The following PCDH15 variants were observed in gnomAD, a reference collection of about 807,000 sequenced individuals.
The protein encoded by PCDH15 is protocadherin-15.
PCDH15 carries 129 observed loss-of-function variants against 178.5 expected under a neutral mutation model. That is an observed-to-expected ratio of 0.72 (90% confidence interval 0.63 to 0.84). PCDH15 has a LOEUF of 0.84. Among genes scored for constraint, PCDH15 ranks in the 40% least tolerant of loss-of-function variants. PCDH15 has a pLI of 0.00. For synonymous variants in PCDH15, 800 were observed against 732.0 expected, an observed-to-expected ratio of 1.09 and a Z score of -1.50; for missense variants, 2,230 against 2,099.9, an observed-to-expected ratio of 1.06 and a Z score of -1.21.
At chr10:55,063,194 A>C (rs773787149) in intron 2 of PCDH15, among the ~76,000 whole-genome samples, 1 of 152,156 alleles carries the variant, frequency 6.6e-6, no homozygotes, top group Non-Finnish European at 1.5e-5. Flanking sequence ...GAAAATGTAC[A>C]TAAGTAGACT....
At chr10:54,027,255 G>A (rs2093131726) in intron 18 of PCDH15, among the ~76,000 whole-genome samples, 1 of 148,864 alleles carries the variant, frequency 6.7e-6, no homozygotes, top group Non-Finnish European at 1.5e-5. Context: ...ACCTCTTCAA[G>A]GAGAACTACA....
At chr10:55,375,617 A>T in intron 2 of PCDH15, among the ~76,000 whole-genome samples, 1 of 152,072 alleles carries the variant, frequency 6.6e-6, no homozygotes, top group East Asian at 1.9e-4. Flanking sequence ...TATCAGATTT[A>T]TTTCCCCAAA....
intron 1 of PCDH15, among the ~76,000 whole-genome samples, chr10:55,221,286 G>A (rs540975479): frequency 2.0e-5 from 3 of 152,198 alleles, no homozygotes; most frequent in African/African-American, 7.2e-5. Context: ...GACATGAGCA[G>A]TGATGTGCTG....
chr10:54,458,641 T>C (rs2076982406), intron 3 of PCDH15, among the ~76,000 whole-genome samples: 1 of 152,124 alleles, frequency 6.6e-6, no homozygotes, highest in Non-Finnish European at 1.5e-5. Context: ...TGTTTTTAGT[T>C]ATATATTTAC....
intron 15 of PCDH15, among the ~76,000 whole-genome samples, chr10:54,097,131 T>G (rs1455574856): frequency 6.6e-6 from 1 of 152,204 alleles, no homozygotes. Context: ...TTTCCCAGGC[T>G]TCTTCCACAG....
intron 2 of PCDH15, among the ~76,000 whole-genome samples, chr10:54,569,740 G>C (rs2133540460): frequency 6.6e-6 from 1 of 152,224 alleles, no homozygotes; most frequent in South Asian, 2.1e-4. Flanking sequence ...GCTGGCAACA[G>C]TGAAATAAGG....
At chr10:55,136,036 G>C (rs990485881) in intron 2 of PCDH15, among the ~76,000 whole-genome samples, 1 of 152,110 alleles carries the variant, frequency 6.6e-6, no homozygotes, top group African/African-American at 2.4e-5. Context: ...ACAACAAGTG[G>C]TCTAAATGAA....
intron 2 of PCDH15, among the ~76,000 whole-genome samples, chr10:54,545,170 T>G (rs529468170): frequency 6.6e-6 from 1 of 152,136 alleles, no homozygotes; most frequent in Non-Finnish European, 1.5e-5. Context: ...ACAGAGAAAT[T>G]TTTACAGTAG....
At chr10:55,222,033 AT>A (rs59795608) in intron 1 of PCDH15, among the ~76,000 whole-genome samples, 3,101 of 138,758 alleles carry the variant, frequency 0.022, 80 homozygotes, top group African/African-American at 0.066. Flanking sequence ...CACCCGGCTA[AT>A]TTTTTTTTTT....
chr10:54,198,162 G>A (rs897073828), intron 10 of PCDH15, among the ~76,000 whole-genome samples: 7 of 152,096 alleles, frequency 4.6e-5, no homozygotes, highest in Non-Finnish European at 1.0e-4. Context: ...CCATCAGTAT[G>A]GATGAGGTCT....
chr10:53,842,659 G>T (rs2077731719), intron 28 of PCDH15, among the ~76,000 whole-genome samples: 1 of 152,110 alleles, frequency 6.6e-6, no homozygotes, highest in East Asian at 1.9e-4. Context: ...TCAACAAAAT[G>T]AATCTTATTT....
intron 2 of PCDH15, among the ~76,000 whole-genome samples, chr10:55,370,018 A>G (rs911021450): frequency 2.0e-5 from 3 of 152,100 alleles, no homozygotes; most frequent in African/African-American, 7.2e-5. Context: ...GATCACAGAA[A>G]ATAACTTGAA....
At chr10:54,856,830 G>A (rs1291893487) in intron 3 of PCDH15, among the ~76,000 whole-genome samples, 1 of 152,128 alleles carries the variant, frequency 6.6e-6, no homozygotes, top group Non-Finnish European at 1.5e-5. Context: ...CCACCTCTAG[G>A]TATCTATATC....
At chr10:55,140,770 C>G (rs1838330799) in intron 2 of PCDH15, among the ~76,000 whole-genome samples, 1 of 151,892 alleles carries the variant, frequency 6.6e-6, no homozygotes, top group Admixed American at 6.6e-5. Flanking sequence ...TGATCAATTT[C>G]TTTTAGAGTT....
In PCDH15 at chr10:53,803,020, A is replaced by G. The variant is rs1472356437; in HGVS notation, c.*3559T>C. On this transcript the variant is annotated 3_prime_UTR_variant, in exon 38 of 38. Coordinates refer to ENST00000644397, the MANE Select transcript of PCDH15 (RefSeq NM_001384140.1). ...AGTAGATTGCAATGAAAAAAATACC[A>G]GTCTATAACTAAAGCTTCTTATGAT... 6.6e-6 allele frequency: 1 copy of G among 151,892 alleles called. No homozygotes were observed. Among genetic ancestry groups the G allele is most frequent in the Non-Finnish European group, 1.5e-5 (1 of 67,808 alleles). The allele number at this position is 151,892 out of a possible 1,614,324, so 9.4% of individuals were successfully genotyped here. A position where few individuals can be genotyped will look rare whatever the true frequency, so the allele number is the denominator to read the frequency against.
intron 2 of PCDH15, among the ~76,000 whole-genome samples, chr10:54,966,366 T>G (rs1397096503): frequency 6.6e-6 from 1 of 152,092 alleles, no homozygotes; most frequent in Non-Finnish European, 1.5e-5. Flanking sequence ...GGGGATATAT[T>G]CTGAGAAACG....
chr10:55,493,115 G>C (rs189341191), intron 2 of PCDH15, among the ~76,000 whole-genome samples: 1 of 151,736 alleles, frequency 6.6e-6, no homozygotes, highest in African/African-American at 2.4e-5. Flanking sequence ...AGTACAGGGA[G>C]GGACAGAAAA....
intron 15 of PCDH15, among the ~76,000 whole-genome samples, chr10:54,093,901 TAA>T (rs950746653): frequency 6.6e-6 from 1 of 152,206 alleles, no homozygotes; most frequent in Non-Finnish European, 1.5e-5. Context: ...TTCCATAATA[TAA>T]GAGATATAAA....
At chr10:55,591,166 T>A (rs1842835439) in intron 2 of PCDH15, among the ~76,000 whole-genome samples, 2 of 152,056 alleles carry the variant, frequency 1.3e-5, no homozygotes, top group South Asian at 2.1e-4. Flanking sequence ...ATATTTAAGG[T>A]TATGATAGGC....
Sources: gnomAD v4.1 joint callset for allele counts (sites outside exome capture counted in the v4.1 genomes callset) on GRCh38, gnomAD v4.1.1 for gene constraint, MANE v1.5 for transcripts, NCBI Gene and HGNC (gene_info 2026-07-23, HGNC 2026-07-21) for gene names.